The following SLC5A11 variants were observed in gnomAD, a reference collection of about 807,000 sequenced individuals.
The protein encoded by SLC5A11 is sodium/myo-inositol cotransporter 2.
SLC5A11 carries 48 observed loss-of-function variants against 69.8 expected under a neutral mutation model. The ratio of observed to expected loss-of-function variants is 0.69; its 90% confidence interval spans 0.55 to 0.87. The LOEUF is 0.87. Among genes scored for constraint, SLC5A11 ranks in the 40% least tolerant of loss-of-function variants. The probability of loss-of-function intolerance (pLI) is 0.00; values close to 1 mark genes in which losing one functional copy is unlikely to be tolerated. For missense variants in SLC5A11, 784 were observed against 866.1 expected (o/e 0.91, Z 1.19); for synonymous variants, 319 against 342.4 (o/e 0.93, Z 0.75).
rs10716696 is a variant in SLC5A11 at position 24,884,632 on chromosome 16, G to GT, written c.664+514dup. On this transcript the variant is annotated intron_variant, in intron 8 of 15. Transcript: ENST00000347898. ...TCCCCAAGCTGCCCCACCTGGCACT[G>GT]TTTTTTTTTTTTTCAAGTAAAAATC... Among the ~76,000 whole-genome samples the GT allele has an allele frequency of 3.2e-3, 445 of 137,128 alleles. 1 individual carries two copies. The highest frequency in any genetic ancestry group is 9.0e-3 in the African/African-American group (335 of 37,128). The allele number at this position is 137,128 out of a possible 152,430, so 90.0% of individuals were successfully genotyped here.
intron 8 of SLC5A11, among the ~76,000 whole-genome samples, chr16:24,886,434 C>A (rs1297253602): frequency 2.0e-5 from 3 of 148,586 alleles, no homozygotes; most frequent in Non-Finnish European, 4.5e-5. Context: ...CAGAGATATA[C>A]CATTTGAGAA....
intron 2 of SLC5A11, among the ~76,000 whole-genome samples, chr16:24,859,951 A>G (rs1237355348): frequency 6.6e-6 from 1 of 152,122 alleles, no homozygotes; most frequent in African/African-American, 2.4e-5. Flanking sequence ...GGAGTTTGAG[A>G]CCAGCCTGGC....
intron 4 of SLC5A11, among the ~76,000 whole-genome samples, chr16:24,870,440 A>C (rs1169829915): frequency 0.013 from 1,292 of 99,850 alleles, 20 homozygotes; most frequent in African/African-American, 0.045. Flanking sequence ...AAAACAAAAA[A>C]AAACACACAC....
At chr16:24,851,204 C>T (rs2059289749) in intron 1 of SLC5A11, among the ~76,000 whole-genome samples, 1 of 151,880 alleles carries the variant, frequency 6.6e-6, no homozygotes, top group Non-Finnish European at 1.5e-5. Context: ...AATCATAGCT[C>T]AATGCAGTCT....
intron 9 of SLC5A11, among the ~76,000 whole-genome samples, chr16:24,896,167 A>G (rs2049151230): frequency 6.6e-6 from 1 of 151,890 alleles, no homozygotes; most frequent in Non-Finnish European, 1.5e-5. Context: ...CAGCCTGGGC[A>G]ACATAGTGAG....
chr16:24,897,875 T>C (rs2049291302), intron 9 of SLC5A11, 99 bp from the exon 11 acceptor site: 3 of 1,476,630 alleles, frequency 2.0e-6, no homozygotes, highest in Non-Finnish European at 2.8e-6. Context: ...CCACAACATG[T>C]GGGAATTATG....
intron 1 of SLC5A11, among the ~76,000 whole-genome samples, chr16:24,856,315 G>A (rs969895547): frequency 6.6e-6 from 1 of 152,138 alleles, no homozygotes; most frequent in Admixed American, 6.6e-5. Context: ...TGCATAAAAT[G>A]AAAAGTGTTG....
intron 8 of SLC5A11, among the ~76,000 whole-genome samples, chr16:24,888,221 A>G (rs2048516336): frequency 6.6e-6 from 1 of 152,182 alleles, no homozygotes; most frequent in Non-Finnish European, 1.5e-5. Flanking sequence ...CATTAGGAAA[A>G]GTGTAAATTT....
chr16:24,889,381 T>C (rs1393090966), intron 8 of SLC5A11, among the ~76,000 whole-genome samples: 2 of 149,764 alleles, frequency 1.3e-5, no homozygotes, highest in Admixed American at 1.3e-4. Context: ...ACTCTGGAGG[T>C]TGAGGCAGGA....
rs1457232565 is a variant in SLC5A11 at position 24,862,679 on chromosome 16, G to A, written c.207+7G>A. On this transcript the variant is annotated splice_region_variant and intron_variant, in intron 3 of 15. Transcript: ENST00000347898. Reference sequence around the variant, plus strand: ...GGACATGGTGTGGTGGCCAGTAAGTGGTCTTTGGTTCAATTAAAGTCACTT... The same window carrying A: ...GGACATGGTGTGGTGGCCAGTAAGTAGTCTTTGGTTCAATTAAAGTCACTT... The A allele has an allele frequency of 1.2e-6, 2 of 1,612,314 alleles. No individual in the cohort carries two copies. Among genetic ancestry groups the A allele is most frequent in the Non-Finnish European group, 1.7e-6 (2 of 1,179,042 alleles).
intron 8 of SLC5A11, 139 bp from the exon 10 acceptor site, chr16:24,890,730 G>A: frequency 1.4e-6 from 1 of 708,758 alleles, no homozygotes; most frequent in Non-Finnish European, 2.5e-6. Context: ...ATGTGGGGAG[G>A]AGGTTAAGAA....
chr16:24,871,504 T>C (rs936853032), intron 4 of SLC5A11, among the ~76,000 whole-genome samples: 2 of 152,026 alleles, frequency 1.3e-5, no homozygotes, highest in African/African-American at 4.8e-5. Context: ...AACTCCTGGG[T>C]GCAAGCGATC....
intron 10 of SLC5A11, among the ~76,000 whole-genome samples, chr16:24,901,935 C>T (rs2049632652): frequency 9.2e-6 from 1 of 108,646 alleles, no homozygotes; most frequent in East Asian, 2.9e-4. Context: ...AAAAAATACA[C>T]ACACACACAC....
intron 1 of SLC5A11, among the ~76,000 whole-genome samples, chr16:24,852,154 T>C (rs561163064): frequency 6.6e-6 from 1 of 152,338 alleles, no homozygotes; most frequent in East Asian, 1.9e-4. Context: ...TCCCTCCTTT[T>C]TCTTTCATTA....
intron 14 of SLC5A11, 136 bp downstream of exon 15, chr16:24,909,232 A>G: frequency 2.4e-6 from 2 of 836,500 alleles, no homozygotes; most frequent in Non-Finnish European, 3.7e-6. Flanking sequence ...CAGGGGCAGG[A>G]TGATTTGGGA....
At chr16:24,901,929 A>ACACACAC (rs1567684557) in intron 10 of SLC5A11, among the ~76,000 whole-genome samples, 114 of 111,340 alleles carry the variant, frequency 1.0e-3, no homozygotes, top group African/African-American at 4.0e-3. Flanking sequence ...TGGAAAAAAA[A>ACACACAC]ATACACACAC....
intron 3 of SLC5A11, among the ~76,000 whole-genome samples, chr16:24,867,417 G>C (rs1357926133): frequency 6.6e-6 from 1 of 152,008 alleles, no homozygotes; most frequent in Non-Finnish European, 1.5e-5. Flanking sequence ...TAAAAAAGAA[G>C]AAAGATGTCA....
rs8050169 is a variant in SLC5A11 at position 24,889,098 on chromosome 16, A to C, written c.665-1771A>C. 7.0e-3 allele frequency among the ~76,000 whole-genome samples: 1,061 copies of C among 152,218 alleles called. 13 individuals carry two copies. The highest frequency in any genetic ancestry group is 0.024 in the African/African-American group (999 of 41,524). ...AGGCGTGAGCCACCTGGCCCGGCCC[A>C]ATATCTATTTCTTTGAAAAGAACCA... is the stretch of plus-strand genomic sequence containing the variant. On this transcript the variant is annotated intron_variant, in intron 8 of 15. Coordinates refer to ENST00000347898, the Ensembl canonical transcript of SLC5A11.
intron 1 of SLC5A11, among the ~76,000 whole-genome samples, chr16:24,849,318 A>C (rs2059158886): frequency 6.6e-6 from 1 of 152,186 alleles, no homozygotes; most frequent in East Asian, 1.9e-4. Context: ...CTGTAATCCC[A>C]GCACTTTGGG....
Sources: allele counts gnomAD v4.1 joint callset (sites outside exome capture counted in the v4.1 genomes callset), GRCh38; gene constraint gnomAD v4.1.1; transcripts MANE v1.5; gene names NCBI Gene and HGNC (gene_info 2026-07-23, HGNC 2026-07-21).